GSE1: variants seen among roughly 807,000 people sequenced by gnomAD.
GSE1 encodes genetic suppressor element 1.
In GSE1, 32 loss-of-function variants were observed where a neutral mutation model predicts 112.6. That is an observed-to-expected ratio of 0.28 (90% CI 0.21 to 0.38). GSE1 has a LOEUF of 0.38. Among genes scored for constraint, GSE1 ranks in the 10% least tolerant of loss-of-function variants. The pLI is 1.00. For missense variants in GSE1, 2,348 were observed against 1,699.2 expected, an observed-to-expected ratio of 1.38 and a Z score of -6.71; for synonymous variants, 1,115 against 735.6, an observed-to-expected ratio of 1.52 and a Z score of -8.35.
At chr16:85,401,283 A>G (rs568418525) in intron 2 of GSE1, among the ~76,000 whole-genome samples, 236 of 136,948 alleles carry the variant, frequency 1.7e-3, no homozygotes, top group African/African-American at 5.8e-3. Context: ...ATTCTACATT[A>G]TTTATAGAAA....
At chr16:85,325,573 TCTG>T (rs1158579613) in intron 1 of GSE1, among the ~76,000 whole-genome samples, 3 of 142,048 alleles carry the variant, frequency 2.1e-5, no homozygotes, top group African/African-American at 2.7e-5. Flanking sequence ...TGCCTCAGCC[TCTG>T]GAATAGCAGG....
Position 85,674,636 on chromosome 16 carries a change from T to C in GSE1, c.*2097T>C, listed in dbSNP as rs2053582561. 6.6e-6 allele frequency: 1 copy of C among 152,260 alleles called. No homozygotes were observed. The highest frequency in any genetic ancestry group is 1.5e-5 in the Non-Finnish European group (1 of 68,060). 9.4% of individuals were successfully genotyped at this position (152,260 alleles called of 1,614,324 possible). On this transcript the variant is annotated 3_prime_UTR_variant, in exon 16 of 16. Coordinates refer to ENST00000253458, the MANE Select transcript of GSE1 (RefSeq NM_014615.5). ...GTCTGGATGCTTTTGGAAATGGCCT[T>C]GGCTAAAGTAAAAGGGAAAAGTAGA...
upstream of GSE1, chr16:85,555,637 C>T (rs1267043058): frequency 4.1e-6 from 4 of 970,386 alleles, no homozygotes; most frequent in East Asian, 3.5e-4. Flanking sequence ...AAAACAAAGC[C>T]GATTTCTCCT....
rs1319395151 is a variant in GSE1 at position 85,373,831 on chromosome 16, G to A, written c.2464+16188G>A. On this transcript the variant is annotated intron_variant, in intron 2 of 2. Transcript: ENST00000637419. This position sits in a 1 kb window ranked among gnomAD's most constrained non-coding sequence, Gnocchi z 5.1. Reference sequence around the variant, plus strand: ...GGTGATTGTGCTCCTGCCCCACGGTGCCCCACGGTTACCACCGCCACGGCA... The same window carrying A: ...GGTGATTGTGCTCCTGCCCCACGGTACCCCACGGTTACCACCGCCACGGCA... Among the ~76,000 whole-genome samples, 1 of 152,144 alleles carries A rather than the reference G, an allele frequency of 6.6e-6. No homozygotes were observed. Among genetic ancestry groups the A allele is most frequent in the Non-Finnish European group, 1.5e-5 (1 of 67,998 alleles).
At chr16:85,429,448 C>G (rs915330490) in intron 2 of GSE1, among the ~76,000 whole-genome samples, 9 of 152,286 alleles carry the variant, frequency 5.9e-5, no homozygotes, top group Admixed American at 4.6e-4. Flanking sequence ...GCTCTGGTGG[C>G]AGAGGCAGGC....
chr16:85,499,147 C>T (rs59722847), intron 2 of GSE1, among the ~76,000 whole-genome samples: 6,632 of 152,122 alleles, frequency 0.044, 487 homozygotes, highest in African/African-American at 0.15. Flanking sequence ...GAGTAGGACT[C>T]TAGGACTTGG....
intron 1 of GSE1, among the ~76,000 whole-genome samples, chr16:85,196,071 G>A (rs944631942): frequency 5.3e-5 from 8 of 152,210 alleles, no homozygotes; most frequent in African/African-American, 1.2e-4. Flanking sequence ...GAGTATTCAC[G>A]CCCAGTGGGG....
chr16:85,243,909 C>T (rs1415255243), intron 1 of GSE1, among the ~76,000 whole-genome samples: 6 of 152,204 alleles, frequency 3.9e-5, no homozygotes, highest in African/African-American at 1.4e-4. Flanking sequence ...GGCGGATCAC[C>T]TGAAGTCAGG....
At chr16:85,659,294 C>A (rs2052232326) in intron 8 of GSE1, 1 of 152,262 alleles carries the variant, frequency 6.6e-6, no homozygotes, top group East Asian at 1.9e-4. Flanking sequence ...CCTCTTTCTT[C>A]CCCTCAAGCT....
chr16:85,209,862 C>T (rs1169350072), intron 1 of GSE1, among the ~76,000 whole-genome samples: 2 of 152,178 alleles, frequency 1.3e-5, no homozygotes, highest in African/African-American at 4.8e-5. Flanking sequence ...CAGAAAGTGA[C>T]CAGTTGGTGA....
At chr16:85,328,438 A>G (rs1014520605) in intron 1 of GSE1, among the ~76,000 whole-genome samples, 1 of 152,136 alleles carries the variant, frequency 6.6e-6, no homozygotes, top group Non-Finnish European at 1.5e-5. Flanking sequence ...GCCGTTTTCC[A>G]ACAAAGGAAG....
At chr16:85,359,296 C>G (rs1006776569) in intron 2 of GSE1, 1 of 436,920 alleles carries the variant, frequency 2.3e-6, no homozygotes. Context: ...TGGAGGGCTC[C>G]GAGGAGGAGG....
intron 1 of GSE1, among the ~76,000 whole-genome samples, chr16:85,598,825 C>T (rs1166223458): frequency 6.6e-6 from 1 of 152,258 alleles, no homozygotes; most frequent in African/African-American, 2.4e-5. Flanking sequence ...GTCCGTTCTG[C>T]AGCCTCTGGA....
intron 1 of GSE1, among the ~76,000 whole-genome samples, chr16:85,586,690 C>A (rs529682657): frequency 1.3e-5 from 2 of 152,182 alleles, no homozygotes; most frequent in Admixed American, 6.5e-5. Flanking sequence ...AAGTATCACC[C>A]CTCCCACCTC....
chr16:85,310,367 A>T (rs2045804199), intron 1 of GSE1, among the ~76,000 whole-genome samples: 1 of 152,226 alleles, frequency 6.6e-6, no homozygotes, highest in African/African-American at 2.4e-5. Flanking sequence ...GATACTGGAG[A>T]AACAGTAGCT....
chr16:85,586,641 G>A (rs1008413391), intron 1 of GSE1, among the ~76,000 whole-genome samples: 8 of 152,058 alleles, frequency 5.3e-5, no homozygotes, highest in Non-Finnish European at 1.2e-4. Flanking sequence ...CGGCCCCCGC[G>A]CCCCCCCGAC....
chr16:85,200,218 T>C (rs2075002901), intron 1 of GSE1, among the ~76,000 whole-genome samples: 1 of 152,182 alleles, frequency 6.6e-6, no homozygotes, highest in Non-Finnish European at 1.5e-5. Context: ...GGCCCAGTTT[T>C]ATATCTTTCT....
intron 1 of GSE1, among the ~76,000 whole-genome samples, chr16:85,598,410 C>A (rs1178779134): frequency 3.9e-5 from 6 of 152,284 alleles, no homozygotes; most frequent in Admixed American, 3.9e-4. Context: ...CAGCCCCATC[C>A]CAGAGCCGCG....
chr16:85,336,278 C>A (rs113113760), intron 1 of GSE1, among the ~76,000 whole-genome samples: 1 of 152,172 alleles, frequency 6.6e-6, no homozygotes. Flanking sequence ...AGCCTTTGTT[C>A]GTTCCCTTGA....
Sources: allele counts gnomAD v4.1 joint callset (sites outside exome capture counted in the v4.1 genomes callset), GRCh38; gene constraint gnomAD v4.1.1; non-coding constraint Gnocchi (gnomAD v3.1); transcripts MANE v1.5; gene names NCBI Gene and HGNC (gene_info 2026-07-23, HGNC 2026-07-21).